Variants in SYNPR observed in about 807,000 individuals in gnomAD.
The protein encoded by SYNPR is synaptoporin.
A neutral mutation model predicts 32.9 loss-of-function variants in SYNPR; 23 were observed. The observed-to-expected ratio is 0.70, with a 90% CI of 0.50 to 0.99. SYNPR has a LOEUF of 0.99. Ranked by LOEUF, SYNPR falls within the 50% of genes least tolerant of loss-of-function variation. The probability of loss-of-function intolerance (pLI) is 0.00; values close to 1 mark genes in which losing one functional copy is unlikely to be tolerated. For missense variants in SYNPR, 318 were observed against 349.3 expected (o/e 0.91, Z 0.71); for synonymous variants, 146 against 135.9 (o/e 1.07, Z -0.52).
chr3:63,546,945 A>G (rs1029155660), intron 3 of SYNPR, among the ~76,000 whole-genome samples: 3 of 152,152 alleles, frequency 2.0e-5, no homozygotes, highest in Non-Finnish European at 4.4e-5. Flanking sequence ...TGTCTAGGAA[A>G]ATGATTCTGG....
chr3:63,606,155 GTAGT>G (rs1700116047), intron 4 of SYNPR, among the ~76,000 whole-genome samples: 1 of 152,082 alleles, frequency 6.6e-6, no homozygotes, highest in African/African-American at 2.4e-5. Flanking sequence ...CGGGTAACAG[GTAGT>G]AAGTGTCAAA....
At chr3:63,341,869 C>T (rs1008188388) in intron 2 of SYNPR, among the ~76,000 whole-genome samples, 1 of 151,962 alleles carries the variant, frequency 6.6e-6, no homozygotes, top group Non-Finnish European at 1.5e-5. Flanking sequence ...TTAATGGAGT[C>T]CAAATTACCT....
At chr3:63,558,510 T>C (rs1378055180) in intron 4 of SYNPR, among the ~76,000 whole-genome samples, 1 of 151,994 alleles carries the variant, frequency 6.6e-6, no homozygotes, top group Non-Finnish European at 1.5e-5. Context: ...TTTTTGTGTT[T>C]TTTGCAGAGA....
At chr3:63,481,036 G>A (rs1701037247) in intron 3 of SYNPR, 80 bp downstream of exon 3, 6 of 1,529,562 alleles carry the variant, frequency 3.9e-6, no homozygotes, top group South Asian at 1.3e-5. Context: ...AAAAAATGCA[G>A]TCTTCCAGGG....
At chr3:63,472,340 T>C (rs1700818117) in intron 2 of SYNPR, among the ~76,000 whole-genome samples, 1 of 152,232 alleles carries the variant, frequency 6.6e-6, no homozygotes, top group Non-Finnish European at 1.5e-5. Context: ...ACTTGCTGTT[T>C]AACCTCTGTT....
At chr3:63,245,713 G>GA (rs2086281901) in intron 1 of SYNPR, among the ~76,000 whole-genome samples, 2 of 40,774 alleles carry the variant, frequency 4.9e-5, no homozygotes, top group Admixed American at 5.2e-4. Flanking sequence ...GAGAGAGAGT[G>GA]TGTGTGTGTG....
upstream of SYNPR, among the ~76,000 whole-genome samples, chr3:63,274,479 G>A (rs1243990264): frequency 6.6e-6 from 1 of 152,180 alleles, no homozygotes; most frequent in Non-Finnish European, 1.5e-5. Flanking sequence ...ACTTTGGTTT[G>A]TATAGTTTGA....
intron 2 of SYNPR, among the ~76,000 whole-genome samples, chr3:63,450,008 T>C (rs1700349726): frequency 6.6e-6 from 1 of 152,130 alleles, no homozygotes; most frequent in Non-Finnish European, 1.5e-5. Context: ...TACTATTTCA[T>C]GGGGAAAAAG....
At chr3:63,423,319 A>G (rs1699832757) in intron 2 of SYNPR, among the ~76,000 whole-genome samples, 1 of 152,054 alleles carries the variant, frequency 6.6e-6, no homozygotes, top group Non-Finnish European at 1.5e-5. Context: ...CAGCAAATGG[A>G]CTCCCTGCCC....
At chr3:63,534,590 T>C (rs1234714658) in intron 3 of SYNPR, among the ~76,000 whole-genome samples, 1 of 152,186 alleles carries the variant, frequency 6.6e-6, no homozygotes, top group Non-Finnish European at 1.5e-5. Flanking sequence ...TCAGTACAGT[T>C]AGTGTTGCTA....
At chr3:63,290,046 T>C in intron 2 of SYNPR, among the ~76,000 whole-genome samples, 1 of 150,708 alleles carries the variant, frequency 6.6e-6, no homozygotes. Flanking sequence ...AGGAGAATGG[T>C]GTGAACCCAG....
In SYNPR at chr3:63,328,992, C is replaced by T. The variant is rs1436409673; in HGVS notation, c.84+50250C>T. The stretch of plus-strand genomic sequence containing the variant: ...AATACAATCTATAAGTCAAATCTAG[C>T]CTGAGAGTTATCTCAGCTATCACAG... On this transcript the variant is annotated intron_variant, in intron 2 of 5. Coordinates refer to ENST00000478300, the MANE Select transcript of SYNPR (RefSeq NM_001130003.2). Among the ~76,000 whole-genome samples the T allele has an allele frequency of 3.3e-5, 5 of 152,176 alleles. No individual in the cohort carries two copies. In the East Asian group the frequency reaches 9.7e-4, roughly 29 times the overall value.
chr3:63,244,750 C>A (rs2086272421), intron 1 of SYNPR, among the ~76,000 whole-genome samples: 1 of 152,066 alleles, frequency 6.6e-6, no homozygotes, highest in South Asian at 2.1e-4. Flanking sequence ...TACAGATGTC[C>A]TCTTAAATCT....
intron 2 of SYNPR, among the ~76,000 whole-genome samples, chr3:63,455,994 G>A (rs1700475025): frequency 6.6e-6 from 1 of 152,080 alleles, no homozygotes; most frequent in Admixed American, 6.6e-5. Context: ...GGCTGGGGAG[G>A]CCTCACAATC....
chr3:63,574,597 G>A lies in SYNPR; in HGVS notation c.408+17856G>A, dbSNP rs188412384. 2.4e-4 allele frequency among the ~76,000 whole-genome samples: 37 copies of A among 152,240 alleles called. 2 individuals are homozygous for A. The South Asian group carries it at 6.0e-3, about 25-fold the overall frequency. ...TCTGGTCCAAAATGTCAATAGTGCC[G>A]AGGTGGGAAAACCATACTGTAAGCC... On this transcript the variant is annotated intron_variant, in intron 4 of 5. Transcript: ENST00000478300.
chr3:63,597,839 A>G (rs1328041739), intron 4 of SYNPR, among the ~76,000 whole-genome samples: 5 of 152,230 alleles, frequency 3.3e-5, no homozygotes, highest in African/African-American at 2.4e-5. Context: ...AAACAATCCC[A>G]TAAGTGGATA....
intron 3 of SYNPR, among the ~76,000 whole-genome samples, chr3:63,491,583 C>T (rs1017142701): frequency 6.6e-6 from 1 of 152,068 alleles, no homozygotes; most frequent in African/African-American, 2.4e-5. Flanking sequence ...GGCAATGGTG[C>T]AATCTGGACT....
intron 2 of SYNPR, among the ~76,000 whole-genome samples, chr3:63,446,412 C>T (rs542043216): frequency 6.6e-6 from 1 of 152,110 alleles, no homozygotes; most frequent in East Asian, 1.9e-4. Context: ...AATAAGCATG[C>T]TGAGAAGCGT....
chr3:63,560,234 A>T (rs1323659839), intron 4 of SYNPR, among the ~76,000 whole-genome samples: 1 of 152,236 alleles, frequency 6.6e-6, no homozygotes, highest in Non-Finnish European at 1.5e-5. Context: ...TACTTGGCAG[A>T]TAAAGTTAAT....
Sources: allele counts gnomAD v4.1 joint callset (sites outside exome capture counted in the v4.1 genomes callset), GRCh38; gene constraint gnomAD v4.1.1; transcripts MANE v1.5; gene names NCBI Gene and HGNC (gene_info 2026-07-23, HGNC 2026-07-21).